The following SLC25A40 variants were observed in gnomAD, a reference collection of about 807,000 sequenced individuals.
The protein encoded by SLC25A40 is mitochondrial glutathione transporter SLC25A40.
SLC25A40 carries 41 observed loss-of-function variants against 46.5 expected under a neutral mutation model. That is an observed-to-expected ratio of 0.88 (90% CI 0.69 to 1.14). The LOEUF is 1.14. Ranked by LOEUF, SLC25A40 falls within the 50% of genes most tolerant of loss-of-function variation. SLC25A40 has a pLI of 0.00. For missense variants in SLC25A40, 386 were observed against 393.6 expected (o/e 0.98, Z 0.16); for synonymous variants, 126 against 127.5 (o/e 0.99, Z 0.08).
intron 1 of SLC25A40, among the ~76,000 whole-genome samples, chr7:87,862,171 T>C (rs1838712115): frequency 1.3e-5 from 2 of 152,190 alleles, no homozygotes; most frequent in Admixed American, 6.5e-5. Context: ...CTTTTTTCTG[T>C]CCCACTTTCT....
intron 4 of SLC25A40, among the ~76,000 whole-genome samples, chr7:87,855,177 AAAG>A (rs1319614045): frequency 3.9e-5 from 6 of 151,912 alleles, no homozygotes; most frequent in African/African-American, 1.4e-4. Context: ...AAAAAAAAAA[AAAG>A]GACACAAAAA....
chr7:87,865,680 G>A (rs1260209730), intron 1 of SLC25A40, among the ~76,000 whole-genome samples: 2 of 152,110 alleles, frequency 1.3e-5, no homozygotes, highest in Non-Finnish European at 2.9e-5. Flanking sequence ...GCTGAGGCAG[G>A]AGAATTGCTT....
intron 1 of SLC25A40, among the ~76,000 whole-genome samples, chr7:87,862,254 T>C (rs745800292): frequency 3.9e-5 from 6 of 152,170 alleles, no homozygotes; most frequent in African/African-American, 7.2e-5. Context: ...TCTAACAAAA[T>C]ATCTCTTGGC....
At chr7:87,852,670 A>C (rs1838535362) in intron 5 of SLC25A40, among the ~76,000 whole-genome samples, 2 of 152,238 alleles carry the variant, frequency 1.3e-5, no homozygotes, top group South Asian at 4.1e-4. Flanking sequence ...TGACAGAGTG[A>C]CAGACACAGA....
chr7:87,853,561 A>G (rs538272816), intron 5 of SLC25A40, among the ~76,000 whole-genome samples: 1 of 152,122 alleles, frequency 6.6e-6, no homozygotes, highest in Admixed American at 6.5e-5. Flanking sequence ...AATAAACTGT[A>G]TTATATCTAC....
Position 87,859,809 on chromosome 7 carries a change from A to G in SLC25A40, c.-25+763T>C, listed in dbSNP as rs939646668. On this transcript the variant is annotated intron_variant, in intron 2 of 11. Transcript: ENST00000341119. Reference sequence around the variant, plus strand: ...TTTCCAAACTATAAAATATTCTGCTATAACATTCTTATACATACATATATA... The same window carrying G: ...TTTCCAAACTATAAAATATTCTGCTGTAACATTCTTATACATACATATATA... Among the ~76,000 whole-genome samples the G allele has an allele frequency of 6.1e-4, 93 of 152,156 alleles. 1 individual carries two copies. Among genetic ancestry groups the G allele is most frequent in the Non-Finnish European group, 1.8e-4 (12 of 68,028 alleles).
chr7:87,846,875 A>C, intron 8 of SLC25A40, 74 bp downstream of exon 8: 1 of 1,285,400 alleles, frequency 7.8e-7, no homozygotes, highest in Non-Finnish European at 1.0e-6. Context: ...AAGAGTTAAA[A>C]ATCTAGTGAC....
intron 1 of SLC25A40, among the ~76,000 whole-genome samples, chr7:87,865,810 A>G (rs2131019685): frequency 6.6e-6 from 1 of 152,252 alleles, no homozygotes; most frequent in East Asian, 1.9e-4. Flanking sequence ...GACTGTGCAC[A>G]GTGGTCCATG....
In SLC25A40 at chr7:87,833,945, A is replaced by C. The variant is rs1446070669; in HGVS notation, c.*2304T>G. 4 of 151,948 alleles carry C rather than the reference A, an allele frequency of 2.6e-5. No individual in the cohort carries two copies. The highest frequency in any genetic ancestry group is 4.4e-5 in the Non-Finnish European group (3 of 67,904). The allele number at this position is 151,948 out of a possible 1,614,324, so 9.4% of individuals were successfully genotyped here. ...TAGAAAAAAAAATATTGCCTTTTAA[A>C]AAAAATCAAATATGTACTACTTTAA... On this transcript the variant is annotated 3_prime_UTR_variant, in exon 12 of 12. Coordinates refer to ENST00000341119, the MANE Select transcript of SLC25A40 (RefSeq NM_018843.4).
intron 1 of SLC25A40, among the ~76,000 whole-genome samples, chr7:87,864,448 C>T (rs1377767007): frequency 6.6e-6 from 1 of 152,160 alleles, no homozygotes; most frequent in African/African-American, 2.4e-5. Context: ...ATTTATTTTA[C>T]CAAACTGTTC....
chr7:87,843,871 AAC>A lies in SLC25A40; in HGVS notation c.632-10_632-9del, dbSNP rs770192459. The A allele has an allele frequency of 2.6e-6, 4 of 1,559,768 alleles. No individual in the cohort carries two copies. Among genetic ancestry groups the A allele is most frequent in the Non-Finnish European group, 3.5e-6 (4 of 1,139,346 alleles). On this transcript the variant is annotated splice_polypyrimidine_tract_variant and intron_variant, in intron 8 of 11. Transcript: ENST00000341119. ...AGTTATACCAGTACATTGCTATAAA[AAC>A]AGAGAATGAAATGAACACATATTTA...
At chr7:87,856,482 A>G (rs1838617713) in intron 3 of SLC25A40, 131 bp from the exon 4 acceptor site, 3 of 812,386 alleles carry the variant, frequency 3.7e-6, no homozygotes, top group Non-Finnish European at 6.5e-6. Context: ...TATTTATCTT[A>G]AAGTAGTCTT....
intron 1 of SLC25A40, among the ~76,000 whole-genome samples, chr7:87,869,699 A>G (rs892016142): frequency 2.0e-5 from 3 of 152,166 alleles, no homozygotes; most frequent in Non-Finnish European, 2.9e-5. Context: ...CTATTCCATT[A>G]CATAAATATA....
At chr7:87,850,953 G>A (rs987184186) in intron 5 of SLC25A40, among the ~76,000 whole-genome samples, 2 of 152,114 alleles carry the variant, frequency 1.3e-5, no homozygotes, top group Non-Finnish European at 2.9e-5. Context: ...AGATACTACT[G>A]GTGAGAATAC....
chr7:87,847,172 A>C (rs755007919), intron 7 of SLC25A40, 50 bp from the exon 8 acceptor site: 1 of 1,364,298 alleles, frequency 7.3e-7, no homozygotes, highest in Non-Finnish European at 9.9e-7. Flanking sequence ...GCCATGTACT[A>C]TGCAAACACA....
chr7:87,851,348 C>T (rs1472798345), intron 5 of SLC25A40, among the ~76,000 whole-genome samples: 2 of 152,162 alleles, frequency 1.3e-5, no homozygotes, highest in Non-Finnish European at 2.9e-5. Context: ...TTCCCAGCTA[C>T]GGGAACCCTA....
intron 1 of SLC25A40, among the ~76,000 whole-genome samples, chr7:87,875,419 T>G (rs1473280604): frequency 2.0e-5 from 3 of 152,136 alleles, no homozygotes; most frequent in Non-Finnish European, 4.4e-5. Flanking sequence ...TGCAAAACCG[T>G]AACGCTGATA....
chr7:87,846,324 A>G (rs1317315669), intron 8 of SLC25A40, among the ~76,000 whole-genome samples: 1 of 152,136 alleles, frequency 6.6e-6, no homozygotes, highest in East Asian at 1.9e-4. Flanking sequence ...TCTTATTGAG[A>G]GTTTCTCTCT....
intron 1 of SLC25A40, among the ~76,000 whole-genome samples, chr7:87,867,611 T>G (rs1387220787): frequency 2.0e-5 from 3 of 152,200 alleles, no homozygotes; most frequent in Non-Finnish European, 4.4e-5. Context: ...TATGTCTTTT[T>G]GGGGAGGTCA....
Sources: allele counts gnomAD v4.1 joint callset (sites outside exome capture counted in the v4.1 genomes callset), GRCh38; gene constraint gnomAD v4.1.1; transcripts MANE v1.5; gene names NCBI Gene and HGNC (gene_info 2026-07-23, HGNC 2026-07-21).